The following COL4A3 variants were observed in gnomAD, a reference collection of about 807,000 sequenced individuals.
The protein encoded by COL4A3 is collagen alpha-3(IV) chain.
Under a neutral mutation model 217.4 loss-of-function variants are expected in COL4A3, and 135 were observed. The ratio of observed to expected loss-of-function variants is 0.62; its 90% CI spans 0.54 to 0.72. COL4A3 has a LOEUF of 0.72. Among genes scored for constraint, COL4A3 ranks in the 30% least tolerant of loss-of-function variants. The pLI, the probability that COL4A3 is intolerant of heterozygous loss-of-function variation, is 0.00. For synonymous variants in COL4A3, 690 were observed against 736.3 expected (o/e 0.94, Z 1.02); for missense variants, 1,868 against 2,119.9 (o/e 0.88, Z 2.33).
intron 1 of COL4A3, among the ~76,000 whole-genome samples, chr2:227,229,731 C>T (rs542206084): frequency 2.2e-4 from 34 of 152,234 alleles, no homozygotes; most frequent in African/African-American, 7.5e-4. Flanking sequence ...TCTCCCTTGA[C>T]AGATGGGGGA....
chr2:227,262,372 A>G (rs72979913), intron 20 of COL4A3, among the ~76,000 whole-genome samples: 1 of 152,296 alleles, frequency 6.6e-6, no homozygotes, highest in Non-Finnish European at 1.5e-5. Flanking sequence ...GGAAAACTAC[A>G]AAGCTCTAAT....
At chr2:227,195,994 G>A (rs1376353051) in intron 1 of COL4A3, among the ~76,000 whole-genome samples, 2 of 151,990 alleles carry the variant, frequency 1.3e-5, no homozygotes, top group Non-Finnish European at 2.9e-5. Flanking sequence ...TAAAGAGAAA[G>A]AAAATATTTC....
chr2:227,307,782 C>T lies in COL4A3; in HGVS notation c.4325C>T (p.Thr1442Ile). The change falls in exon 48 of 52, where the codon ACA becomes ATA. Residue 1442 changes from threonine to isoleucine, a missense_variant. Thr to Ile is a moderately conservative substitution (Grantham distance 89, BLOSUM62 -1). Transcript: ENST00000396578. ...GACAGTGGATCACCTGCAACCTGGA[C>T]AACGAGAGGCTTTGTCTTCACCCGA... Reference protein sequence around the residue: ...RGDSGSPATWTTRGFVFTRHS... With the variant: ...RGDSGSPATWITRGFVFTRHS... The T allele has an allele frequency of 6.2e-7, 1 of 1,614,154 alleles. No homozygotes were observed. Among genetic ancestry groups the T allele is most frequent in the Non-Finnish European group, 8.5e-7 (1 of 1,179,998 alleles).
intron 38 of COL4A3, chr2:227,294,065 G>T: frequency 3.5e-6 from 1 of 286,858 alleles, no homozygotes; most frequent in Non-Finnish European, 6.7e-6. Flanking sequence ...ACCCATTTCT[G>T]GATTGAATTT....
rs1236567213 is a variant in COL4A3, at chr2:227,280,459, T to C, written c.2243T>C (p.Met748Thr). The C allele has an allele frequency of 6.2e-7, 1 of 1,614,170 alleles. No individual in the cohort carries two copies. The highest frequency in any genetic ancestry group is 1.1e-5 in the South Asian group (1 of 91,084). Residue 748 changes from methionine to threonine, a missense_variant, in exon 30 of 52, where the codon ATG (methionine) becomes ACG (threonine). Coordinates refer to ENST00000396578, the MANE Select transcript of COL4A3 (RefSeq NM_000091.5). Reference protein sequence around the residue: ...PGAKGEPAVAMPGGPGTPGFP... With the variant: ...PGAKGEPAVATPGGPGTPGFP... Reference sequence around the variant, plus strand: ...CTGTAGGGAGAACCAGCAGTAGCCATGCCTGGAGGACCAGGAACACCAGGT... The same window carrying C: ...CTGTAGGGAGAACCAGCAGTAGCCACGCCTGGAGGACCAGGAACACCAGGT...
At chr2:227,177,147 CTTTT>C (rs200452419) in intron 1 of COL4A3, among the ~76,000 whole-genome samples, 1 of 137,750 alleles carries the variant, frequency 7.3e-6, no homozygotes, top group Non-Finnish European at 1.6e-5. Flanking sequence ...TTTTTCTTTC[CTTTT>C]TTTTTTTTTT....
chr2:227,235,685 C>T (rs1440015293), intron 1 of COL4A3, among the ~76,000 whole-genome samples: 2 of 151,548 alleles, frequency 1.3e-5, no homozygotes, highest in African/African-American at 2.4e-5. Context: ...GAATATGCGA[C>T]GTTTAGTTTT....
intron 6 of COL4A3, chr2:227,246,370 G>A (rs1033108878): frequency 2.2e-5 from 11 of 505,244 alleles, no homozygotes; most frequent in Non-Finnish European, 3.6e-5. Context: ...TTTTCGAACT[G>A]AGCTCTCCTT....
intron 2 of COL4A3, among the ~76,000 whole-genome samples, chr2:227,238,797 T>C (rs1574655129): frequency 6.6e-6 from 1 of 152,314 alleles, no homozygotes; most frequent in East Asian, 1.9e-4. Context: ...ATAATTCACA[T>C]GTAGTTGGAT....
intron 1 of COL4A3, among the ~76,000 whole-genome samples, chr2:227,201,678 C>T (rs147317944): frequency 5.9e-5 from 9 of 152,222 alleles, no homozygotes; most frequent in Middle Eastern, 3.4e-3. Context: ...TCAGAAACTA[C>T]CAAATCCTTT....
At chr2:227,261,674 G>A (rs1187768880) in intron 20 of COL4A3, among the ~76,000 whole-genome samples, 2 of 152,144 alleles carry the variant, frequency 1.3e-5, no homozygotes, top group African/African-American at 4.8e-5. Flanking sequence ...TTTATTGTCC[G>A]GGATTTTTAC....
At chr2:227,273,744 G>T (rs2071381470) in intron 26 of COL4A3, among the ~76,000 whole-genome samples, 1 of 152,042 alleles carries the variant, frequency 6.6e-6, no homozygotes, top group African/African-American at 2.4e-5. Flanking sequence ...TAACTCCATA[G>T]GCAGGTTACA....
In COL4A3 at chr2:227,248,501, C is replaced by G. The variant is rs759869958; in HGVS notation, c.527C>G (p.Pro176Arg). Residue 176 changes from proline (P) to arginine (R), a missense_variant, in exon 9 of 52, where the codon CCA (proline) becomes CGA (arginine). Coordinates refer to ENST00000396578, the MANE Select transcript of COL4A3 (RefSeq NM_000091.5). ...ELDAKGDPGL[P>R]GAPGPQGLPG... ...GATGCAAAAGGCGACCCCGGGTTGC[C>G]AGGGGCTCCAGGACCCCAGGTACAG... is the stretch of plus-strand genomic sequence containing the variant. 1 of 1,612,738 alleles carries G rather than the reference C, an allele frequency of 6.2e-7. No individual in the cohort carries two copies. Among genetic ancestry groups the G allele is most frequent in the East Asian group, 2.2e-5 (1 of 44,886 alleles).
intron 19 of COL4A3, among the ~76,000 whole-genome samples, chr2:227,260,363 T>C (rs1403872374): frequency 3.3e-5 from 5 of 152,202 alleles, no homozygotes; most frequent in African/African-American, 9.7e-5. Flanking sequence ...CCCTCTCATC[T>C]CTGGCTACAT....
chr2:227,210,343 C>A (rs2067263213), intron 1 of COL4A3, among the ~76,000 whole-genome samples: 1 of 152,158 alleles, frequency 6.6e-6, no homozygotes, highest in Non-Finnish European at 1.5e-5. Flanking sequence ...GTAATCCCAG[C>A]ACTTTGGGAT....
At chr2:227,234,494 C>T (rs1277584972) in intron 1 of COL4A3, among the ~76,000 whole-genome samples, 1 of 152,204 alleles carries the variant, frequency 6.6e-6, no homozygotes, top group Non-Finnish European at 1.5e-5. Flanking sequence ...ATCAAATAGC[C>T]ATGCAATTCA....
At chr2:227,165,479 A>G (rs1444609570) in intron 1 of COL4A3, among the ~76,000 whole-genome samples, 1 of 152,224 alleles carries the variant, frequency 6.6e-6, no homozygotes, top group African/African-American at 2.4e-5. Context: ...GGATTTATTT[A>G]AATCCATCCC....
intron 1 of COL4A3, among the ~76,000 whole-genome samples, chr2:227,176,416 G>C (rs1228660692): frequency 3.3e-5 from 5 of 152,064 alleles, no homozygotes; most frequent in Non-Finnish European, 7.3e-5. Flanking sequence ...CAGCATTTTG[G>C]TATTAATTAT....
At position 227,250,383 on chromosome 2, in the gene COL4A3, GATA is replaced by G. The variant is rs1559866335; in HGVS notation, c.547-756_547-754del. Among the ~76,000 whole-genome samples, 31 of 129,826 alleles carry G rather than the reference GATA, an allele frequency of 2.4e-4. No homozygotes were observed. The highest frequency in any genetic ancestry group is 4.6e-4 in the Non-Finnish European group (27 of 58,668). The allele number at this position is 129,826 out of a possible 152,430, so 85.2% of individuals were successfully genotyped here. On this transcript the variant is annotated intron_variant, in intron 9 of 51. Coordinates refer to ENST00000396578, the MANE Select transcript of COL4A3 (RefSeq NM_000091.5). This position sits in a 1 kb window ranked among gnomAD's most constrained non-coding sequence, Gnocchi z 4.1. ...AGATAGATAGATAGATAGATAGATA[GATA>G]TTTAAAAATTGTATGAACCAGGCAT...
Sources: allele counts gnomAD v4.1 joint callset (sites outside exome capture counted in the v4.1 genomes callset), GRCh38; gene constraint gnomAD v4.1.1; non-coding constraint Gnocchi (gnomAD v3.1); transcripts MANE v1.5; gene names NCBI Gene and HGNC (gene_info 2026-07-23, HGNC 2026-07-21).